CEP128: variants seen among roughly 807,000 people sequenced by gnomAD.
CEP128 encodes the protein centrosomal protein 128kDa.
CEP128 carries 132 observed loss-of-function variants against 156.7 expected under a neutral mutation model. The observed-to-expected ratio is 0.84, with a 90% CI of 0.73 to 0.97. CEP128 has a LOEUF of 0.97. Ranked by LOEUF, CEP128 falls within the 50% of genes least tolerant of loss-of-function variation. The pLI, the probability that CEP128 is intolerant of heterozygous loss-of-function variation, is 0.00. For synonymous variants in CEP128, 469 were observed against 448.9 expected, an observed-to-expected ratio of 1.04 and a Z score of -0.57; for missense variants, 1,252 against 1,281.9, an observed-to-expected ratio of 0.98 and a Z score of 0.36.
chr14:80,509,251 T>G (rs963203133), intron 23 of CEP128, among the ~76,000 whole-genome samples: 2 of 152,320 alleles, frequency 1.3e-5, no homozygotes, highest in South Asian at 4.1e-4. Context: ...TGTACTAATA[T>G]ACATTCCAAC....
chr14:80,773,773 A>G (rs1313061308), intron 16 of CEP128, among the ~76,000 whole-genome samples: 1 of 152,244 alleles, frequency 6.6e-6, no homozygotes, highest in Non-Finnish European at 1.5e-5. Flanking sequence ...AAATGTCACA[A>G]AAATCAAAAG....
At chr14:80,546,832 A>AT (rs1313239780) in intron 21 of CEP128, among the ~76,000 whole-genome samples, 1 of 152,184 alleles carries the variant, frequency 6.6e-6, no homozygotes, top group African/African-American at 2.4e-5. Flanking sequence ...TGGACAGGCT[A>AT]TTTTGACAGT....
chr14:80,726,794 A>G (rs1439840889), intron 19 of CEP128, among the ~76,000 whole-genome samples: 1 of 152,134 alleles, frequency 6.6e-6, no homozygotes, highest in African/African-American at 2.4e-5. Flanking sequence ...AAGGAAAAAG[A>G]ATTTTAAAAG....
intron 19 of CEP128, among the ~76,000 whole-genome samples, chr14:80,596,849 G>GT (rs1892347814): frequency 8.2e-6 from 1 of 121,790 alleles, no homozygotes; most frequent in Non-Finnish European, 1.7e-5. Flanking sequence ...AAAAGGTGGG[G>GT]GGGGGAGGAA....
chr14:80,918,070 T>C (rs563695590), intron 2 of CEP128, among the ~76,000 whole-genome samples: 96 of 152,320 alleles, frequency 6.3e-4, no homozygotes, highest in African/African-American at 2.1e-3. Context: ...TCTTATCCCA[T>C]GTATAATTAC....
At chr14:80,902,493 C>T (rs1182823499) in intron 6 of CEP128, among the ~76,000 whole-genome samples, 3 of 152,140 alleles carry the variant, frequency 2.0e-5, no homozygotes, top group Non-Finnish European at 4.4e-5. Flanking sequence ...AGATGAGTAT[C>T]TTAAGATACA....
At chr14:80,678,061 T>TGCTCAAGGAAAC (rs1896157415) in intron 19 of CEP128, among the ~76,000 whole-genome samples, 1 of 61,886 alleles carries the variant, frequency 1.6e-5, no homozygotes, top group Admixed American at 1.8e-4. Context: ...TATATATATA[T>TGCTCAAGGAAAC]ATGTATATAT....
intron 23 of CEP128, among the ~76,000 whole-genome samples, chr14:80,515,391 G>T (rs2140230352): frequency 6.6e-6 from 1 of 152,316 alleles, no homozygotes; most frequent in Admixed American, 6.5e-5. Context: ...CTGAGGCTGA[G>T]CTGACACATA....
At chr14:80,691,332 G>C (rs1896712796) in intron 19 of CEP128, among the ~76,000 whole-genome samples, 2 of 152,130 alleles carry the variant, frequency 1.3e-5, no homozygotes, top group East Asian at 3.9e-4. Flanking sequence ...ATGTGGTGAT[G>C]GGGGGATGGT....
At chr14:80,893,346 A>T (rs1889192114) in intron 8 of CEP128, among the ~76,000 whole-genome samples, 1 of 151,842 alleles carries the variant, frequency 6.6e-6, no homozygotes, top group Non-Finnish European at 1.5e-5. Context: ...GAGGGGATGA[A>T]ATGGGAAGAT....
In CEP128 at chr14:80,811,674, CAT is replaced by C. The variant is rs58956440; in HGVS notation, c.1210-18566_1210-18565del. ...GTGTGTGTATGTGTGTGTGTACAGA[CAT>C]ATGTGTGTGTGTGTGTGTGTGTGTG... On this transcript the variant is annotated intron_variant, in intron 13 of 24. Transcript: ENST00000555265. Among the ~76,000 whole-genome samples, 178 of 111,656 alleles carry C rather than the reference CAT, an allele frequency of 1.6e-3. 1 individual carries two copies. The highest frequency in any genetic ancestry group is 5.0e-3 in the African/African-American group (140 of 28,064). 73.3% of individuals were successfully genotyped at this position (111,656 alleles called of 152,430 possible).
At position 80,840,866 on chromosome 14, in the gene CEP128, GATATGAGT is replaced by G. The variant is rs574961725; in HGVS notation, c.763-106_763-99del. ...ATGTATTAGGGCTGAAGAAGACATG[GATATGAGT>G]TACACAAAATCTATAAATTACAGTC... is the stretch of plus-strand genomic sequence containing the variant. On this transcript the variant is annotated intron_variant, in intron 9 of 24. Transcript: ENST00000555265. 4.2e-4 allele frequency: 306 copies of G among 733,012 alleles called. 2 individuals are homozygous for G. In the African/African-American group the frequency reaches 4.6e-3, roughly 11 times the overall value. The allele number at this position is 733,012 out of a possible 1,614,324, so 45.4% of individuals were successfully genotyped here.
At chr14:80,650,039 T>C (rs1308067752) in intron 19 of CEP128, among the ~76,000 whole-genome samples, 1 of 152,214 alleles carries the variant, frequency 6.6e-6, no homozygotes, top group Non-Finnish European at 1.5e-5. Flanking sequence ...TGATTCTTCC[T>C]ATCCATGAGC....
intron 21 of CEP128, among the ~76,000 whole-genome samples, chr14:80,533,835 G>C (rs1462461558): frequency 2.0e-5 from 3 of 151,716 alleles, no homozygotes; most frequent in South Asian, 4.2e-4. Flanking sequence ...TTATATTCTA[G>C]TCAATTAACA....
chr14:80,624,058 C>G (rs995471422), intron 19 of CEP128, among the ~76,000 whole-genome samples: 2 of 152,118 alleles, frequency 1.3e-5, no homozygotes, highest in Non-Finnish European at 2.9e-5. Flanking sequence ...TGTCTGTTAA[C>G]CAACCTCTTC....
chr14:80,801,025 T>C (rs1424941244), intron 13 of CEP128, among the ~76,000 whole-genome samples: 2 of 152,160 alleles, frequency 1.3e-5, no homozygotes, highest in Non-Finnish European at 2.9e-5. Flanking sequence ...AAAAAACATA[T>C]GGGCAACAGA....
chr14:80,749,702 T>C (rs1304088658), intron 18 of CEP128, among the ~76,000 whole-genome samples: 1 of 152,174 alleles, frequency 6.6e-6, no homozygotes. Flanking sequence ...TAGTATTTGA[T>C]AGTACAACAG....
At chr14:80,579,724 A>C (rs1457902658) in intron 20 of CEP128, among the ~76,000 whole-genome samples, 3 of 152,210 alleles carry the variant, frequency 2.0e-5, no homozygotes, top group African/African-American at 7.2e-5. Context: ...TATCATGGGA[A>C]TATAACTGAT....
chr14:80,569,036 T>C (rs1375072571), intron 20 of CEP128, among the ~76,000 whole-genome samples: 5 of 152,202 alleles, frequency 3.3e-5, no homozygotes. Flanking sequence ...GTTTAAACAG[T>C]AGCTTCGGCT....
Sources: gnomAD v4.1 joint callset for allele counts (sites outside exome capture counted in the v4.1 genomes callset) on GRCh38, gnomAD v4.1.1 for gene constraint, MANE v1.5 for transcripts, NCBI Gene and HGNC (gene_info 2026-07-23, HGNC 2026-07-21) for gene names.